The following CDC25C variants were observed in gnomAD, a reference collection of about 807,000 sequenced individuals.
CDC25C encodes cell division cycle 25C, also known as M-phase inducer phosphatase 3.
In CDC25C, 48 loss-of-function variants were observed where a neutral mutation model predicts 52.5. That is an observed-to-expected ratio of 0.91 (90% CI 0.72 to 1.16). The LOEUF is 1.16. CDC25C is among the 50% of genes most tolerant of loss of function. The pLI, the probability that CDC25C is intolerant of heterozygous loss-of-function variation, is 0.00. For synonymous variants in CDC25C, 187 were observed against 206.5 expected (o/e 0.91, Z 0.81); for missense variants, 510 against 566.1 (o/e 0.90, Z 1.01).
chr5:138,337,898 G>A (rs1760826050), intron 1 of CDC25C: 1 of 1,205,998 alleles, frequency 8.3e-7, no homozygotes. Context: ...CGAACCGAGT[G>A]GGAGGCTGCA....
At chr5:138,333,399 C>T (rs1760531864), upstream of CDC25C, 1 of 152,168 alleles carries the variant, frequency 6.6e-6, no homozygotes. Context: ...GTGTAGCCAG[C>T]TGGTTTTTAT....
intron 7 of CDC25C, among the ~76,000 whole-genome samples, chr5:138,296,906 CTTTTTTTTTT>C (rs1300029259): frequency 1.2e-5 from 1 of 80,166 alleles, no homozygotes; most frequent in Admixed American, 1.5e-4. Flanking sequence ...CGCCCGGCCA[CTTTTTTTTTT>C]TTTTTTTTTT....
At chr5:138,304,284 T>C (rs1049110222) in intron 7 of CDC25C, among the ~76,000 whole-genome samples, 3 of 147,356 alleles carry the variant, frequency 2.0e-5, no homozygotes, top group Non-Finnish European at 4.5e-5. Flanking sequence ...TCCTCCCACC[T>C]CAGCCTCCTG....
intron 6 of CDC25C, 119 bp from the exon 7 acceptor site, chr5:138,319,493 A>G: frequency 1.4e-6 from 1 of 695,340 alleles, no homozygotes; most frequent in South Asian, 2.9e-5. Context: ...ATGACACTGG[A>G]TTTGGATAAT....
At chr5:138,313,271 C>T (rs150691696) in intron 7 of CDC25C, among the ~76,000 whole-genome samples, 2,494 of 149,080 alleles carry the variant, frequency 0.017, 24 homozygotes, top group Non-Finnish European at 0.023. Context: ...CCCAGCTACG[C>T]GGGAGGCTGA....
chr5:138,330,563 A>G (rs1465011506), intron 2 of CDC25C, among the ~76,000 whole-genome samples: 1 of 152,162 alleles, frequency 6.6e-6, no homozygotes, highest in East Asian at 1.9e-4. Context: ...GCTGAAGTGC[A>G]GTGAGGCGAT....
chr5:138,296,158 T>C (rs1757156675), intron 7 of CDC25C, among the ~76,000 whole-genome samples: 1 of 152,226 alleles, frequency 6.6e-6, no homozygotes, highest in Non-Finnish European at 1.5e-5. Context: ...CTGAACCTCA[T>C]GTCGGCTTCC....
chr5:138,289,534 T>C lies in CDC25C; in HGVS notation c.894A>G (p.Lys298=), dbSNP rs1163605848. The change falls in exon 10 of 14, where the codon AAA becomes AAG. Residue 298 remains lysine (K), a synonymous_variant. Transcript: ENST00000323760. The part of the protein sequence containing the change: ...KVCALPTVSG[K]HQDLKYVNPE... The stretch of plus-strand genomic sequence containing the variant: ...GGTTGACATACTTCAGATCTTGGTG[T>C]TTCCCTGACACGGTTGGCAGCGCAC... The C allele has an allele frequency of 1.2e-6, 2 of 1,613,794 alleles. No homozygotes were observed. The highest frequency in any genetic ancestry group is 8.5e-7 in the Non-Finnish European group (1 of 1,179,850).
intron 7 of CDC25C, among the ~76,000 whole-genome samples, chr5:138,312,591 G>A (rs1421820096): frequency 1.3e-5 from 2 of 152,128 alleles, no homozygotes; most frequent in South Asian, 2.1e-4. Flanking sequence ...AAATAAGCCA[G>A]TTACAAAACA....
At chr5:138,317,556 C>CTA (rs1409505729) in intron 7 of CDC25C, among the ~76,000 whole-genome samples, 3 of 151,702 alleles carry the variant, frequency 2.0e-5, no homozygotes, top group African/African-American at 7.3e-5. Context: ...TGGCATGTGC[C>CTA]TATAGTCCCA....
intron 6 of CDC25C, among the ~76,000 whole-genome samples, chr5:138,320,895 G>T (rs1759316598): frequency 7.8e-6 from 1 of 128,100 alleles, no homozygotes; most frequent in Admixed American, 8.7e-5. Flanking sequence ...CAGCCTGGGT[G>T]ACAGAGTGAG....
At chr5:138,289,244 A>AT (rs904771935) in intron 10 of CDC25C, among the ~76,000 whole-genome samples, 6 of 152,120 alleles carry the variant, frequency 3.9e-5, no homozygotes, top group African/African-American at 1.4e-4. Context: ...AAATGCTAGG[A>AT]TTTCAGGCGT....
intron 7 of CDC25C, among the ~76,000 whole-genome samples, chr5:138,318,641 G>C (rs767366577): frequency 6.6e-6 from 1 of 151,952 alleles, no homozygotes; most frequent in Non-Finnish European, 1.5e-5. Flanking sequence ...CTTGAACCTG[G>C]GAAGAGGAGG....
At chr5:138,317,229 C>T (rs1758947076) in intron 7 of CDC25C, among the ~76,000 whole-genome samples, 1 of 151,790 alleles carries the variant, frequency 6.6e-6, no homozygotes, top group African/African-American at 2.4e-5. Flanking sequence ...GAGCAAGACC[C>T]TATCTAATTA....
At chr5:138,292,480 C>CAAAAAAAAAAA (rs70982703) in intron 7 of CDC25C, among the ~76,000 whole-genome samples, 2 of 63,508 alleles carry the variant, frequency 3.1e-5, no homozygotes, top group Non-Finnish European at 5.6e-5. Flanking sequence ...GTTATGTGAC[C>CAAAAAAAAAAA]AAAAAAAAAA....
intron 7 of CDC25C, among the ~76,000 whole-genome samples, chr5:138,298,127 T>C (rs1457334689): frequency 6.6e-6 from 1 of 150,640 alleles, no homozygotes; most frequent in African/African-American, 2.4e-5. Context: ...GCCTCCCAAG[T>C]AGCTGGAACT....
At position 138,286,477 on chromosome 5, in the gene CDC25C, G is replaced by C. The variant is rs772162358; in HGVS notation, c.1160+20C>G. 5 of 1,602,022 alleles carry C rather than the reference G, an allele frequency of 3.1e-6. No homozygotes were observed. Among genetic ancestry groups the C allele is most frequent in the Middle Eastern group, 1.8e-4 (1 of 5,526 alleles). On this transcript the variant is annotated intron_variant, in intron 12 of 13. Coordinates refer to ENST00000323760, the MANE Select transcript of CDC25C (RefSeq NM_001790.5). ...CAAAATCCATTTCCATCACCCGCCA[G>C]ACCCCATTTAGACACTCACATTCGG...
At chr5:138,313,247 G>A (rs1229371954) in intron 7 of CDC25C, among the ~76,000 whole-genome samples, 1 of 151,884 alleles carries the variant, frequency 6.6e-6, no homozygotes, top group Non-Finnish European at 1.5e-5. Flanking sequence ...GCCACGGTGG[G>A]GCATGCCTGG....
At chr5:138,290,462 T>G in intron 9 of CDC25C, among the ~76,000 whole-genome samples, 177 bp downstream of exon 9, 1 of 152,320 alleles carries the variant, frequency 6.6e-6, no homozygotes. Context: ...CCCAGAAGAA[T>G]AAGAAATACT....
Sources: gnomAD v4.1 joint callset for allele counts (sites outside exome capture counted in the v4.1 genomes callset) on GRCh38, gnomAD v4.1.1 for gene constraint, MANE v1.5 for transcripts, NCBI Gene and HGNC (gene_info 2026-07-23, HGNC 2026-07-21) for gene names.